Variants in NREP observed in about 807,000 individuals in gnomAD.
The protein encoded by NREP is neuronal regeneration related protein, also known as neuronal regeneration-related protein.
NREP carries 5 observed loss-of-function variants against 8.6 expected under a neutral mutation model. The ratio of observed to expected loss-of-function variants is 0.58; its 90% confidence interval spans 0.30 to 1.22. The LOEUF (loss-of-function observed/expected upper bound fraction) is 1.22, where lower values mean the gene tolerates loss of function less well. NREP is among the 50% of genes most tolerant of loss of function. The probability of loss-of-function intolerance (pLI) is 0.07; values close to 1 mark genes in which losing one functional copy is unlikely to be tolerated. For synonymous variants in NREP, 27 were observed against 28.0 expected (o/e 0.96, Z 0.11); for missense variants, 86 against 82.5 (o/e 1.04, Z -0.17).
chr5:111,788,509 C>T (rs1751666646), intron 2 of NREP, among the ~76,000 whole-genome samples: 1 of 152,140 alleles, frequency 6.6e-6, no homozygotes, highest in Non-Finnish European at 1.5e-5. Context: ...AAATTCAAGC[C>T]AGAGCATGAA....
intron 2 of NREP, among the ~76,000 whole-genome samples, chr5:111,906,584 A>T (rs1325229947): frequency 6.6e-6 from 1 of 152,108 alleles, no homozygotes; most frequent in African/African-American, 2.4e-5. Flanking sequence ...CATTTTAGTG[A>T]TATCACAAAT....
At chr5:111,948,345 C>G (rs916460794) in intron 2 of NREP, among the ~76,000 whole-genome samples, 2 of 152,126 alleles carry the variant, frequency 1.3e-5, no homozygotes, top group Non-Finnish European at 2.9e-5. Flanking sequence ...CCAAGTCTCA[C>G]TGAAATGAAT....
At chr5:111,917,961 C>T (rs1755112593) in intron 2 of NREP, among the ~76,000 whole-genome samples, 3 of 152,106 alleles carry the variant, frequency 2.0e-5, no homozygotes, top group Admixed American at 2.0e-4. Context: ...TAGAAAACCC[C>T]ATCATCTCAG....
chr5:111,887,010 A>G (rs902546255), intron 2 of NREP, among the ~76,000 whole-genome samples: 2 of 150,590 alleles, frequency 1.3e-5, no homozygotes, highest in Non-Finnish European at 3.0e-5. Context: ...AAAAAAAAAA[A>G]CATCCCAGGC....
intron 2 of NREP, among the ~76,000 whole-genome samples, chr5:111,908,140 T>C (rs1447796267): frequency 2.7e-5 from 4 of 150,034 alleles, no homozygotes; most frequent in East Asian, 1.9e-4. Context: ...ACCAATATTT[T>C]CTTCATTGAT....
At chr5:111,793,951 G>A (rs549127252) in intron 2 of NREP, among the ~76,000 whole-genome samples, 10 of 152,274 alleles carry the variant, frequency 6.6e-5, no homozygotes, top group South Asian at 2.1e-4. Flanking sequence ...CCAGCTACTC[G>A]AGAGGCTGAG....
chr5:111,848,398 G>T (rs1753230538), intron 2 of NREP, among the ~76,000 whole-genome samples: 1 of 151,818 alleles, frequency 6.6e-6, no homozygotes, highest in Admixed American at 6.6e-5. Flanking sequence ...ATGCTCACAG[G>T]ATGCTTTTGA....
At chr5:111,828,145 C>T (rs931194197) in intron 2 of NREP, among the ~76,000 whole-genome samples, 2 of 151,934 alleles carry the variant, frequency 1.3e-5, no homozygotes, top group Admixed American at 1.3e-4. Context: ...ATTCTTCTGC[C>T]TCAGCCTCCT....
At chr5:111,779,171 T>C (rs551289622) in intron 2 of NREP, among the ~76,000 whole-genome samples, 156 of 152,318 alleles carry the variant, frequency 1.0e-3, no homozygotes, top group African/African-American at 3.7e-3. Flanking sequence ...TTCACTTGGC[T>C]ACAAACTAGC....
intron 2 of NREP, among the ~76,000 whole-genome samples, chr5:111,797,484 T>C (rs1346229365): frequency 6.6e-6 from 1 of 152,202 alleles, no homozygotes; most frequent in Non-Finnish European, 1.5e-5. Flanking sequence ...TTCTGCATGA[T>C]TTGTCTTCCC....
At chr5:111,922,818 C>T (rs1263411782) in intron 2 of NREP, among the ~76,000 whole-genome samples, 2 of 152,082 alleles carry the variant, frequency 1.3e-5, no homozygotes, top group Non-Finnish European at 2.9e-5. Context: ...AGAAATGGCC[C>T]ATTCTGTTTC....
At chr5:111,972,012 T>G (rs561623652) in intron 2 of NREP, among the ~76,000 whole-genome samples, 33 of 152,012 alleles carry the variant, frequency 2.2e-4, no homozygotes, top group African/African-American at 7.5e-4. Flanking sequence ...GGGTTAAATA[T>G]AAAAAATGTA....
chr5:111,752,634 C>T (rs190538822), intron 2 of NREP, among the ~76,000 whole-genome samples: 18 of 152,254 alleles, frequency 1.2e-4, no homozygotes, highest in African/African-American at 4.1e-4. Context: ...GAAAGCAGAG[C>T]TCTATGAATG....
chr5:111,843,673 A>C, intron 2 of NREP, among the ~76,000 whole-genome samples: 1 of 152,034 alleles, frequency 6.6e-6, no homozygotes, highest in East Asian at 1.9e-4. Flanking sequence ...AGAGGTAGGC[A>C]CCTCCTCCAG....
chr5:111,858,890 G>A (rs978665634), intron 2 of NREP, among the ~76,000 whole-genome samples: 6 of 151,978 alleles, frequency 3.9e-5, no homozygotes, highest in African/African-American at 7.3e-5. Flanking sequence ...CTATGGTTTA[G>A]TAATTATCAC....
intron 3 of NREP, chr5:111,731,936 G>T (rs1200963978): frequency 6.6e-6 from 1 of 152,252 alleles, no homozygotes; most frequent in African/African-American, 2.4e-5. Context: ...CACAATACAG[G>T]TATTCATTTA....
intron 2 of NREP, among the ~76,000 whole-genome samples, chr5:111,923,362 T>C (rs761452862): frequency 6.6e-6 from 1 of 152,210 alleles, no homozygotes; most frequent in Non-Finnish European, 1.5e-5. Flanking sequence ...GGAATTTCCC[T>C]GAGATCCTCC....
chr5:111,816,289 T>A (rs1254911866), intron 2 of NREP, among the ~76,000 whole-genome samples: 1 of 152,006 alleles, frequency 6.6e-6, no homozygotes, highest in African/African-American at 2.4e-5. Context: ...AGGAAAATGA[T>A]CCTACATAGA....
intron 2 of NREP, among the ~76,000 whole-genome samples, chr5:111,863,857 C>T (rs1433347563): frequency 6.6e-6 from 1 of 152,132 alleles, no homozygotes; most frequent in African/African-American, 2.4e-5. Context: ...ATCCTCAGTT[C>T]TTCTCCATGT....
Sources: allele counts gnomAD v4.1 joint callset (sites outside exome capture counted in the v4.1 genomes callset), GRCh38; gene constraint gnomAD v4.1.1; transcripts MANE v1.5; gene names NCBI Gene and HGNC (gene_info 2026-07-23, HGNC 2026-07-21).